PARD3: variants seen among roughly 807,000 people sequenced by gnomAD.
The protein encoded by PARD3 is partitioning defective 3 homolog.
PARD3 carries 75 observed loss-of-function variants against 155.4 expected under a neutral mutation model. That is an observed-to-expected ratio of 0.48 (90% CI 0.40 to 0.58). The LOEUF (loss-of-function observed/expected upper bound fraction) is 0.58, where lower values mean the gene tolerates loss of function less well. Ranked by LOEUF, PARD3 falls within the 20% of genes least tolerant of loss-of-function variation. The pLI is 0.00. For synonymous variants in PARD3, 576 were observed against 610.5 expected (o/e 0.94, Z 0.83); for missense variants, 1,642 against 1,721.7 (o/e 0.95, Z 0.82).
chr10:34,637,320 TA>T (rs2092512947), intron 2 of PARD3, among the ~76,000 whole-genome samples: 2 of 152,178 alleles, frequency 1.3e-5, no homozygotes, highest in African/African-American at 2.4e-5. Flanking sequence ...CCACACCTCA[TA>T]ACTATTCAAG....
At chr10:34,140,480 G>A (rs1948131481) in intron 22 of PARD3, among the ~76,000 whole-genome samples, 1 of 152,106 alleles carries the variant, frequency 6.6e-6, no homozygotes, top group South Asian at 2.1e-4. Flanking sequence ...TAAGAGAGAA[G>A]GGAAAGAACA....
chr10:34,655,224 T>C (rs914810181), intron 2 of PARD3, among the ~76,000 whole-genome samples: 3 of 152,042 alleles, frequency 2.0e-5, no homozygotes, highest in African/African-American at 7.2e-5. Flanking sequence ...CCCTATCAAA[T>C]CATTACAAAG....
intron 3 of PARD3, among the ~76,000 whole-genome samples, chr10:34,498,398 C>T (rs977186503): frequency 6.6e-6 from 1 of 152,114 alleles, no homozygotes; most frequent in Non-Finnish European, 1.5e-5. Flanking sequence ...AGTCACTGTC[C>T]CATGAGTTTT....
In PARD3 at chr10:34,125,673, A is replaced by G. The variant is rs16935096; in HGVS notation, c.3540+5790T>C. Among the ~76,000 whole-genome samples, 1,525 of 152,302 alleles carry G rather than the reference A, an allele frequency of 0.01. 75 individuals are homozygous for G. In the East Asian group the frequency reaches 0.13, roughly 13 times the overall value. On this transcript the variant is annotated intron_variant, in intron 23 of 24. Transcript: ENST00000374788. The stretch of plus-strand genomic sequence containing the variant: ...GAGAGCTATTAAAGTCTGAAACAGG[A>G]AAAGGGAGAAAAGGACAGATTTTGT...
At chr10:34,670,553 C>T (rs933501833) in intron 2 of PARD3, among the ~76,000 whole-genome samples, 30 of 152,128 alleles carry the variant, frequency 2.0e-4, no homozygotes, top group African/African-American at 6.5e-4. Context: ...CCTGACTAGC[C>T]CCAACCCCAT....
Position 34,761,294 on chromosome 10 carries a change from C to T in PARD3, c.120+53582G>A, listed in dbSNP as rs118052674. 5.7e-3 allele frequency among the ~76,000 whole-genome samples: 859 copies of T among 151,954 alleles called. 6 individuals are homozygous for T. Among genetic ancestry groups the T allele is most frequent in the Non-Finnish European group, 9.0e-3 (613 of 67,972 alleles). ...GGTGTGGTTGCGTGTACCCATAGTC[C>T]CAGCTACTCGGGAGGCTGAGGCAGG... On this transcript the variant is annotated intron_variant, in intron 1 of 24. Transcript: ENST00000374788.
At position 34,486,258 on chromosome 10, in the gene PARD3, G is replaced by A. The variant is rs369737478; in HGVS notation, c.404-15995C>T. Among the ~76,000 whole-genome samples the A allele has an allele frequency of 2.8e-4, 42 of 152,220 alleles. 2 individuals carry two copies. In the East Asian group the frequency reaches 2.9e-3, roughly 10 times the overall value. On this transcript the variant is annotated intron_variant, in intron 3 of 24. Transcript: ENST00000374788. ...TAATACCTGAATTCCAAAGGGAGGA[G>A]GGTATAAAAAGGTACATCCAATCCC...
intron 1 of PARD3, among the ~76,000 whole-genome samples, chr10:34,777,232 T>G (rs1381302833): frequency 6.6e-6 from 1 of 152,064 alleles, no homozygotes; most frequent in Admixed American, 6.6e-5. Context: ...TCTTCCTATG[T>G]GACAAAGGAC....
At chr10:34,614,377 G>A (rs2091113691) in intron 2 of PARD3, among the ~76,000 whole-genome samples, 1 of 151,994 alleles carries the variant, frequency 6.6e-6, no homozygotes, top group African/African-American at 2.4e-5. Context: ...AGAAGATTAA[G>A]GGAAAAAAAG....
intron 2 of PARD3, among the ~76,000 whole-genome samples, chr10:34,648,643 C>T (rs182807617): frequency 1.1e-4 from 16 of 152,294 alleles, no homozygotes; most frequent in Admixed American, 5.2e-4. Flanking sequence ...ACCTGACAGG[C>T]GGCGGAGCTC....
intron 5 of PARD3, among the ~76,000 whole-genome samples, chr10:34,416,834 T>C (rs1300729339): frequency 6.6e-6 from 1 of 152,220 alleles, no homozygotes; most frequent in Non-Finnish European, 1.5e-5. Flanking sequence ...AATGGCCAGA[T>C]TGAAATGTCT....
chr10:34,705,151 T>A (rs1367404041), intron 1 of PARD3, among the ~76,000 whole-genome samples: 1 of 152,206 alleles, frequency 6.6e-6, no homozygotes, highest in Non-Finnish European at 1.5e-5. Flanking sequence ...TTTTCCTGAT[T>A]TAATCAGCTT....
At chr10:34,647,987 T>C (rs908124727) in intron 2 of PARD3, among the ~76,000 whole-genome samples, 1 of 152,238 alleles carries the variant, frequency 6.6e-6, no homozygotes, top group Non-Finnish European at 1.5e-5. Flanking sequence ...TCTCTGTACA[T>C]GTAGATATGT....
At chr10:34,396,331 C>T (rs1843341566) in intron 7 of PARD3, among the ~76,000 whole-genome samples, 1 of 151,964 alleles carries the variant, frequency 6.6e-6, no homozygotes, top group Admixed American at 6.6e-5. Context: ...GAGTGAGACT[C>T]CATCTCAAAA....
chr10:34,272,070 G>A (rs777500469), intron 21 of PARD3, among the ~76,000 whole-genome samples: 7 of 152,116 alleles, frequency 4.6e-5, no homozygotes, highest in Non-Finnish European at 8.8e-5. Flanking sequence ...TAATAAAATA[G>A]TTTTTTCAAC....
At chr10:34,432,539 A>G (rs2076000344) in intron 5 of PARD3, among the ~76,000 whole-genome samples, 1 of 152,170 alleles carries the variant, frequency 6.6e-6, no homozygotes, top group Non-Finnish European at 1.5e-5. Context: ...CGTAGGAAAC[A>G]CCAGAAATTA....
chr10:34,407,535 T>C (rs1245208375), intron 5 of PARD3, among the ~76,000 whole-genome samples: 1 of 152,160 alleles, frequency 6.6e-6, no homozygotes, highest in African/African-American at 2.4e-5. Context: ...GCTCCTCAGA[T>C]ATTTATAGTT....
chr10:34,152,435 T>C (rs181237322), intron 22 of PARD3, among the ~76,000 whole-genome samples: 134 of 152,338 alleles, frequency 8.8e-4, no homozygotes, highest in African/African-American at 2.9e-3. Flanking sequence ...CTGCAGGCAA[T>C]TGGAACATAA....
chr10:34,477,036 T>C lies in PARD3; in HGVS notation c.404-6773A>G, dbSNP rs11009800. On this transcript the variant is annotated intron_variant, in intron 3 of 24. Coordinates refer to ENST00000374788, the MANE Select transcript of PARD3 (RefSeq NM_001184785.2). The stretch of plus-strand genomic sequence containing the variant: ...ATATAACATTGCATAAAGAAGGTAA[T>C]TTTGCTTTGGCCTCGGATGAATAAA... Among the ~76,000 whole-genome samples, 37 of 152,334 alleles carry C rather than the reference T, an allele frequency of 2.4e-4. No homozygotes were observed. The East Asian group carries it at 7.1e-3, about 29-fold the overall frequency.
Sources: allele counts gnomAD v4.1 joint callset (sites outside exome capture counted in the v4.1 genomes callset), GRCh38; gene constraint gnomAD v4.1.1; transcripts MANE v1.5; gene names NCBI Gene and HGNC (gene_info 2026-07-23, HGNC 2026-07-21).